The following PHF21A variants were observed in gnomAD, a reference collection of about 807,000 sequenced individuals.
The protein encoded by PHF21A is PHD finger protein 21A.
PHF21A carries 11 observed loss-of-function variants against 82.5 expected under a neutral mutation model. The observed-to-expected ratio is 0.13, with a 90% CI of 0.08 to 0.22. The LOEUF (loss-of-function observed/expected upper bound fraction) is 0.22, where lower values mean the gene tolerates loss of function less well. Ranked by LOEUF, PHF21A falls within the 10% of genes least tolerant of loss-of-function variation. PHF21A has a pLI of 1.00. For missense variants in PHF21A, 579 were observed against 837.8 expected (o/e 0.69, Z 3.81); for synonymous variants, 297 against 302.8 (o/e 0.98, Z 0.20).
At chr11:46,012,488 C>T (rs901634745) in intron 6 of PHF21A, among the ~76,000 whole-genome samples, 3 of 152,190 alleles carry the variant, frequency 2.0e-5, no homozygotes, top group Non-Finnish European at 4.4e-5. Context: ...ACACCTTGGA[C>T]AGAATTCTGG....
chr11:45,987,251 AATGTATGTATGT>A (rs57573859), intron 6 of PHF21A, among the ~76,000 whole-genome samples: 1 of 148,446 alleles, frequency 6.7e-6, no homozygotes, highest in Non-Finnish European at 1.5e-5. Flanking sequence ...ATCATAAATA[AATGTATGTATGT>A]ATGTATGTAT....
At chr11:45,967,994 T>G (rs561668041) in intron 9 of PHF21A, among the ~76,000 whole-genome samples, 1 of 152,364 alleles carries the variant, frequency 6.6e-6, no homozygotes, top group South Asian at 2.1e-4. Context: ...AAGTGGGTCA[T>G]GATCCACTGT....
intron 10 of PHF21A, among the ~76,000 whole-genome samples, chr11:45,964,638 A>G (rs1377075448): frequency 6.6e-6 from 1 of 152,078 alleles, no homozygotes; most frequent in Admixed American, 6.5e-5. Flanking sequence ...TTTTTCAAAT[A>G]GGATACGGTG....
chr11:46,028,130 C>CA (rs2095789643), intron 6 of PHF21A, among the ~76,000 whole-genome samples: 1 of 150,252 alleles, frequency 6.7e-6, no homozygotes, highest in South Asian at 2.1e-4. Flanking sequence ...GGGGATACAA[C>CA]AAAAAAAGAA....
intron 1 of PHF21A, among the ~76,000 whole-genome samples, chr11:46,092,685 A>G (rs1455809811): frequency 6.6e-6 from 1 of 151,952 alleles, no homozygotes; most frequent in Non-Finnish European, 1.5e-5. Flanking sequence ...AGGCTTTAAA[A>G]TCACAGCATT....
intron 6 of PHF21A, among the ~76,000 whole-genome samples, chr11:46,009,599 T>C (rs187062762): frequency 1.5e-4 from 23 of 152,322 alleles, no homozygotes; most frequent in Admixed American, 3.3e-4. Context: ...CTAGGAGATA[T>C]GTACTATATA....
intron 5 of PHF21A, 142 bp from the exon 6 acceptor site, chr11:46,076,961 T>TG (rs1485336067): frequency 1.6e-6 from 1 of 624,072 alleles, no homozygotes; most frequent in African/African-American, 1.8e-5. Context: ...CATTACACTG[T>TG]GGCCATAATA....
chr11:45,970,009 C>A (rs1010127320), intron 8 of PHF21A, 105 bp from the exon 9 acceptor site: 57 of 808,546 alleles, frequency 7.0e-5, no homozygotes, highest in Non-Finnish European at 1.0e-4. Flanking sequence ...ATATTTTCTA[C>A]AAGCTTTCAT....
At chr11:46,056,740 C>T (rs1409668595) in intron 6 of PHF21A, among the ~76,000 whole-genome samples, 1 of 152,106 alleles carries the variant, frequency 6.6e-6, no homozygotes, top group African/African-American at 2.4e-5. Flanking sequence ...TTCACATTTG[C>T]TGCTGCTTAA....
chr11:46,109,024 C>A (rs2097182185), intron 1 of PHF21A, among the ~76,000 whole-genome samples: 1 of 152,198 alleles, frequency 6.6e-6, no homozygotes, highest in East Asian at 1.9e-4. Context: ...CCAAAATCAA[C>A]ATGAAACAGC....
chr11:45,968,372 G>A (rs1427055026), intron 9 of PHF21A, among the ~76,000 whole-genome samples: 1 of 152,280 alleles, frequency 6.6e-6, no homozygotes, highest in African/African-American at 2.4e-5. Context: ...GGCCCTAGTG[G>A]ACTTCTCCAA....
At chr11:45,994,852 T>A (rs879658511) in intron 6 of PHF21A, among the ~76,000 whole-genome samples, 7 of 152,210 alleles carry the variant, frequency 4.6e-5, no homozygotes, top group Non-Finnish European at 1.0e-4. Context: ...TGTCTAGTCA[T>A]CACACGCTTT....
At chr11:45,938,953 C>A (rs2089770385) in intron 15 of PHF21A, among the ~76,000 whole-genome samples, 1 of 152,050 alleles carries the variant, frequency 6.6e-6, no homozygotes, top group Non-Finnish European at 1.5e-5. Flanking sequence ...CCTGCCTCAG[C>A]CTCCAGAGTA....
chr11:45,940,216 C>T (rs1334440967), intron 15 of PHF21A, among the ~76,000 whole-genome samples: 8 of 150,104 alleles, frequency 5.3e-5, no homozygotes, highest in Admixed American at 1.3e-4. Context: ...TTTTTTTAGA[C>T]GGAGTCTCTT....
intron 6 of PHF21A, among the ~76,000 whole-genome samples, chr11:46,032,637 C>CA (rs1177960601): frequency 6.6e-6 from 1 of 152,022 alleles, no homozygotes; most frequent in Non-Finnish European, 1.5e-5. Context: ...ATTCCTATTC[C>CA]AAAACTGTTG....
At chr11:45,949,907 G>A (rs775745920) in intron 12 of PHF21A, among the ~76,000 whole-genome samples, 1 of 152,102 alleles carries the variant, frequency 6.6e-6, no homozygotes, top group Non-Finnish European at 1.5e-5. Flanking sequence ...AAATATAAAG[G>A]CTTATCAGAA....
chr11:46,031,452 G>A (rs917995056), intron 6 of PHF21A, among the ~76,000 whole-genome samples: 1 of 152,160 alleles, frequency 6.6e-6, no homozygotes, highest in African/African-American at 2.4e-5. Flanking sequence ...AGAGTAGGAA[G>A]GGAAGGTAAT....
intron 6 of PHF21A, among the ~76,000 whole-genome samples, chr11:46,001,585 A>G (rs928325808): frequency 7.9e-5 from 12 of 152,186 alleles, no homozygotes; most frequent in African/African-American, 2.7e-4. Context: ...TTTTTGTATA[A>G]GAAAAGAACA....
chr11:45,958,439 T>C (rs1284210865), intron 10 of PHF21A, among the ~76,000 whole-genome samples: 8 of 33,660 alleles, frequency 2.4e-4, no homozygotes, highest in African/African-American at 6.4e-4. Context: ...TATATATATA[T>C]ATATATATAT....
Sources: allele counts gnomAD v4.1 joint callset (sites outside exome capture counted in the v4.1 genomes callset), GRCh38; gene constraint gnomAD v4.1.1; transcripts MANE v1.5; gene names NCBI Gene and HGNC (gene_info 2026-07-23, HGNC 2026-07-21).